OLFM3: variants seen among roughly 807,000 people sequenced by gnomAD.
The protein encoded by OLFM3 is olfactomedin 3.
Under a neutral mutation model 48.6 loss-of-function variants are expected in OLFM3, and 20 were observed. The ratio of observed to expected loss-of-function variants is 0.41; its 90% CI spans 0.29 to 0.60. OLFM3 has a LOEUF of 0.60. OLFM3 is among the 20% of genes least tolerant of loss of function. OLFM3 has a pLI of 0.28. For missense variants in OLFM3, 437 were observed against 544.3 expected, an observed-to-expected ratio of 0.80 and a Z score of 1.96; for synonymous variants, 222 against 198.1, an observed-to-expected ratio of 1.12 and a Z score of -1.01.
chr1:101,909,100 T>C (rs1055996409), intron 1 of OLFM3, among the ~76,000 whole-genome samples: 1 of 152,202 alleles, frequency 6.6e-6, no homozygotes, highest in Admixed American at 6.5e-5. Flanking sequence ...ATTTCCTGTC[T>C]CCACTCAGTT....
chr1:101,976,824 C>G (rs557013638), intron 1 of OLFM3, among the ~76,000 whole-genome samples: 1 of 152,212 alleles, frequency 6.6e-6, no homozygotes, highest in South Asian at 2.1e-4. Context: ...TTCTTTTCTT[C>G]CCTTCTAAGA....
chr1:101,877,931 T>C (rs899690964), intron 1 of OLFM3, among the ~76,000 whole-genome samples: 5 of 151,898 alleles, frequency 3.3e-5, no homozygotes, highest in African/African-American at 9.7e-5. Flanking sequence ...TTTTTTTCTA[T>C]TTAATACTTA....
chr1:101,827,897 G>A (rs562396545), intron 3 of OLFM3, among the ~76,000 whole-genome samples: 120 of 152,250 alleles, frequency 7.9e-4, no homozygotes, highest in Non-Finnish European at 1.6e-3. Context: ...GTCTGGGAGG[G>A]ACCAGGTGAA....
chr1:101,966,200 G>T (rs1660602286), intron 1 of OLFM3, among the ~76,000 whole-genome samples: 2 of 151,774 alleles, frequency 1.3e-5, no homozygotes, highest in African/African-American at 4.8e-5. Context: ...TTGAGCCAGG[G>T]TCTTGCCCTG....
chr1:101,985,259 G>A (rs1661204012), intron 1 of OLFM3, among the ~76,000 whole-genome samples: 1 of 152,184 alleles, frequency 6.6e-6, no homozygotes, highest in African/African-American at 2.4e-5. Flanking sequence ...CTTATCTCAA[G>A]ATCCTTACTT....
At chr1:101,917,659 C>T (rs1329989520) in intron 1 of OLFM3, among the ~76,000 whole-genome samples, 2 of 152,124 alleles carry the variant, frequency 1.3e-5, no homozygotes, top group African/African-American at 4.8e-5. Flanking sequence ...TCAAGTGATC[C>T]ACGCATCTCA....
chr1:101,844,878 C>T (rs937427009), intron 1 of OLFM3, among the ~76,000 whole-genome samples: 10 of 152,030 alleles, frequency 6.6e-5, no homozygotes, highest in Admixed American at 2.0e-4. Flanking sequence ...TTTCTAAGAT[C>T]CTTTCCACCT....
At chr1:101,947,776 C>T (rs1284796321) in intron 1 of OLFM3, among the ~76,000 whole-genome samples, 1 of 151,950 alleles carries the variant, frequency 6.6e-6, no homozygotes, top group African/African-American at 2.4e-5. Flanking sequence ...ATATGATTTT[C>T]GGTGAGTTAT....
chr1:101,948,268 T>C (rs1283834371), intron 1 of OLFM3, among the ~76,000 whole-genome samples: 3 of 152,198 alleles, frequency 2.0e-5, no homozygotes, highest in Non-Finnish European at 4.4e-5. Flanking sequence ...TGTCAGCCTT[T>C]TTTTTAACCT....
chr1:101,805,587 G>A (rs1225270703), intron 5 of OLFM3, among the ~76,000 whole-genome samples: 1 of 151,754 alleles, frequency 6.6e-6, no homozygotes, highest in Non-Finnish European at 1.5e-5. Flanking sequence ...CCTCCCAGAA[G>A]TTTCAGCGCT....
At chr1:101,881,073 G>C (rs1253643249) in intron 1 of OLFM3, among the ~76,000 whole-genome samples, 3 of 151,854 alleles carry the variant, frequency 2.0e-5, no homozygotes, top group Admixed American at 2.0e-4. Context: ...TAGCGGGCTT[G>C]CTGAGTGTGT....
At chr1:101,829,251 T>C (rs965058440) in intron 3 of OLFM3, among the ~76,000 whole-genome samples, 1 of 152,218 alleles carries the variant, frequency 6.6e-6, no homozygotes, top group African/African-American at 2.4e-5. Context: ...ATTTATCCAG[T>C]TCACTCACAC....
intron 1 of OLFM3, among the ~76,000 whole-genome samples, chr1:101,894,654 A>G (rs891016604): frequency 6.6e-6 from 1 of 152,064 alleles, no homozygotes; most frequent in Non-Finnish European, 1.5e-5. Flanking sequence ...ATGAATGCCT[A>G]TTTTACTATT....
At chr1:101,940,311 G>T (rs1383821547) in intron 1 of OLFM3, among the ~76,000 whole-genome samples, 1 of 151,108 alleles carries the variant, frequency 6.6e-6, no homozygotes, top group East Asian at 1.9e-4. Flanking sequence ...GCTATTCTCA[G>T]GATCCATGTG....
In OLFM3 at chr1:101,996,697, T is replaced by C. The variant is rs145422129; in HGVS notation, c.69+51A>G. The stretch of plus-strand genomic sequence containing the variant: ...TATTTATTTGCATTTCTGTTAGGTT[T>C]GTTACATATTGCACATTTATTTCAA... On this transcript the variant is annotated intron_variant, in intron 1 of 5. Transcript: ENST00000370103. 7.6e-4 allele frequency: 1,199 copies of C among 1,570,130 alleles called. 8 individuals are homozygous for C. The African/African-American group carries it at 0.013, about 18-fold the overall frequency.
At chr1:101,939,993 GA>G (rs77789892) in intron 1 of OLFM3, among the ~76,000 whole-genome samples, 7,124 of 152,108 alleles carry the variant, frequency 0.047, 557 homozygotes, top group African/African-American at 0.16. Context: ...AAATTATGGT[GA>G]AAAAATATAA....
At chr1:101,813,770 T>C (rs1281780582) in intron 4 of OLFM3, among the ~76,000 whole-genome samples, 2 of 152,194 alleles carry the variant, frequency 1.3e-5, no homozygotes, top group Admixed American at 1.3e-4. Flanking sequence ...GCTATTACTC[T>C]TTATTTGACC....
intron 1 of OLFM3, among the ~76,000 whole-genome samples, chr1:101,886,518 AG>A (rs1345330817): frequency 6.6e-6 from 1 of 152,058 alleles, no homozygotes; most frequent in Non-Finnish European, 1.5e-5. Context: ...ATGAGACTGG[AG>A]GGGGAAGAAT....
chr1:101,948,265 CT>C (rs945701309), intron 1 of OLFM3, among the ~76,000 whole-genome samples: 2 of 151,802 alleles, frequency 1.3e-5, no homozygotes, highest in East Asian at 1.9e-4. Flanking sequence ...TCCTGTCAGC[CT>C]TTTTTTTAAC....
Sources: gnomAD v4.1 joint callset for allele counts (sites outside exome capture counted in the v4.1 genomes callset) on GRCh38, gnomAD v4.1.1 for gene constraint, MANE v1.5 for transcripts, NCBI Gene and HGNC (gene_info 2026-07-23, HGNC 2026-07-21) for gene names.